Variants in CBL observed in about 807,000 individuals in gnomAD.
The protein encoded by CBL is E3 ubiquitin-protein ligase CBL.
CBL carries 45 observed loss-of-function variants against 96.9 expected under a neutral mutation model. That is an observed-to-expected ratio of 0.46 (90% CI 0.37 to 0.60). The LOEUF (loss-of-function observed/expected upper bound fraction) is 0.60, where lower values mean the gene tolerates loss of function less well. Ranked by LOEUF, CBL falls within the 20% of genes least tolerant of loss-of-function variation. The pLI is 0.00. For synonymous variants in CBL, 420 were observed against 426.8 expected (o/e 0.98, Z 0.20); for missense variants, 1,024 against 1,143.5 (o/e 0.90, Z 1.51).
intron 12 of CBL, chr11:119,289,732 T>A (rs1236555689): frequency 6.6e-6 from 1 of 152,144 alleles, no homozygotes; most frequent in Non-Finnish European, 1.5e-5. Context: ...ACTCTTGACT[T>A]ACTAGAGTTT....
intron 2 of CBL, among the ~76,000 whole-genome samples, chr11:119,269,443 G>A (rs1824763533): frequency 6.6e-6 from 1 of 151,804 alleles, no homozygotes; most frequent in African/African-American, 2.4e-5. Flanking sequence ...GACCTCAAGT[G>A]ATGCATCCGC....
At chr11:119,227,466 C>G (rs115281315) in intron 1 of CBL, among the ~76,000 whole-genome samples, 2 of 151,958 alleles carry the variant, frequency 1.3e-5, no homozygotes, top group Non-Finnish European at 2.9e-5. Context: ...GCCTCAATGT[C>G]GCATCAGAAA....
rs1441618063 is a variant in CBL at position 119,206,347 on chromosome 11, C to T, written c.-71C>T. The T allele has an allele frequency of 3.1e-6, 4 of 1,270,360 alleles. No individual in the cohort carries two copies. The highest frequency in any genetic ancestry group is 1.6e-5 in the South Asian group (1 of 62,598). 78.7% of individuals were successfully genotyped at this position (1,270,360 alleles called of 1,614,324 possible). ...GCCGGGAGAGGCCCCTCCTTCACGC[C>T]CTGCTTCTCTCCCTCGCTCGCAGTC... On this transcript the variant is annotated 5_prime_UTR_variant, in exon 1 of 16. Coordinates refer to ENST00000264033, the MANE Select transcript of CBL (RefSeq NM_005188.4).
At chr11:119,225,211 C>T (rs573080853) in intron 1 of CBL, among the ~76,000 whole-genome samples, 2 of 152,048 alleles carry the variant, frequency 1.3e-5, no homozygotes, top group African/African-American at 4.8e-5. Context: ...ATTCTCCTGT[C>T]TCAGCCTCCC....
chr11:119,270,416 T>TATATATA (rs1949835147), intron 2 of CBL, among the ~76,000 whole-genome samples: 1 of 74,364 alleles, frequency 1.3e-5, no homozygotes, highest in African/African-American at 6.2e-5. Context: ...CAGCTAATTT[T>TATATATA]TATATATATA....
chr11:119,206,517 C>T lies in CBL; in HGVS notation c.100C>T (p.Gln34Ter). The T allele has an allele frequency of 6.4e-7, 1 of 1,558,950 alleles. No homozygotes were observed. Among genetic ancestry groups the T allele is most frequent in the Non-Finnish European group, 8.7e-7 (1 of 1,152,456 alleles). ...GATTGGGCTCATGAAGGACGCCTTC[C>T]AGCCGCACCACCACCACCACCACCA... The part of the protein sequence containing the change: ...GLIGLMKDAF[Q>*]PHHHHHHHLS... Residue 34 changes from glutamine to a stop codon, truncating the protein, a stop_gained, in exon 1 of 16, where the codon CAG (glutamine) becomes TAG (stop). Coordinates refer to ENST00000264033, the MANE Select transcript of CBL (RefSeq NM_005188.4). LOFTEE classifies it high-confidence loss of function.
chr11:119,243,751 A>G (rs975662810), intron 2 of CBL, among the ~76,000 whole-genome samples: 24 of 150,662 alleles, frequency 1.6e-4, no homozygotes, highest in African/African-American at 5.4e-4. Flanking sequence ...TTCTTTTGGG[A>G]GGCAGGGTCT....
chr11:119,233,829 G>A lies in CBL; in HGVS notation c.443+1134G>A, dbSNP rs957735636. Among the ~76,000 whole-genome samples, 42 of 152,050 alleles carry A rather than the reference G, an allele frequency of 2.8e-4. 1 individual carries two copies. Among genetic ancestry groups the A allele is most frequent in the Non-Finnish European group, 4.4e-5 (3 of 68,024 alleles). On this transcript the variant is annotated intron_variant, in intron 2 of 15. Coordinates refer to ENST00000264033, the MANE Select transcript of CBL (RefSeq NM_005188.4). Reference sequence around the variant, plus strand: ...GACTCTAGCAGTAACATACTAAATGGTGTCCTTGTTGTCTACCTTTCCTTT... The same window carrying A: ...GACTCTAGCAGTAACATACTAAATGATGTCCTTGTTGTCTACCTTTCCTTT...
intron 13 of CBL, 108 bp from the exon 14 acceptor site, chr11:119,297,276 T>G: frequency 1.1e-6 from 1 of 945,782 alleles, no homozygotes; most frequent in East Asian, 2.4e-5. Context: ...AAGAGTCAAC[T>G]TTAACATTTA....
At chr11:119,235,374 A>G (rs765102636) in intron 2 of CBL, among the ~76,000 whole-genome samples, 57 of 152,062 alleles carry the variant, frequency 3.7e-4, no homozygotes, top group Non-Finnish European at 7.2e-4. Context: ...CTTGGCCTCT[A>G]TTTTATATGT....
chr11:119,293,007 C>T lies in CBL; in HGVS notation c.2037-3911C>T, dbSNP rs191463441. Among the ~76,000 whole-genome samples the T allele has an allele frequency of 2.7e-4, 41 of 152,240 alleles. 1 individual carries two copies. The highest frequency in any genetic ancestry group is 2.4e-3 in the Admixed American group (36 of 15,300). ...GTATTTGATGTTTATTACTTTTGCACCATTGTAAAGTTGAAAAATTGTAAG... is the reference window on the plus strand; with the variant it reads ...GTATTTGATGTTTATTACTTTTGCATCATTGTAAAGTTGAAAAATTGTAAG... On this transcript the variant is annotated intron_variant, in intron 12 of 15. Transcript: ENST00000264033.
chr11:119,207,975 A>C (rs537629154), intron 1 of CBL, among the ~76,000 whole-genome samples: 3 of 152,346 alleles, frequency 2.0e-5, no homozygotes, highest in Non-Finnish European at 4.4e-5. Flanking sequence ...CCAGTAGTGC[A>C]TGCCAGTGGT....
At chr11:119,295,139 C>T (rs1950055347) in intron 12 of CBL, among the ~76,000 whole-genome samples, 1 of 152,164 alleles carries the variant, frequency 6.6e-6, no homozygotes, top group Non-Finnish European at 1.5e-5. Flanking sequence ...CACTTGGGGA[C>T]ACAGTTGTGT....
chr11:119,232,360 C>A, intron 1 of CBL, 88 bp from the exon 2 acceptor site: 1 of 1,408,606 alleles, frequency 7.1e-7, no homozygotes, highest in Non-Finnish European at 9.9e-7. Context: ...TGCAAAAGAG[C>A]ACATATTTCA....
In CBL at chr11:119,306,200, C is replaced by T. The variant is rs1950139336; in HGVS notation, c.*6419C>T. On this transcript the variant is annotated 3_prime_UTR_variant, in exon 16 of 16. Coordinates refer to ENST00000264033, the MANE Select transcript of CBL (RefSeq NM_005188.4). Reference sequence around the variant, plus strand: ...GGTGGAAGGGCCGGCTGTTGACAGACAGACTAAGCTGTGTGGTGCTCTTGC... The same window carrying T: ...GGTGGAAGGGCCGGCTGTTGACAGATAGACTAAGCTGTGTGGTGCTCTTGC... The T allele has an allele frequency of 2.5e-6, 1 of 398,516 alleles. No individual in the cohort carries two copies. Among genetic ancestry groups the T allele is most frequent in the East Asian group, 3.6e-5 (1 of 28,086 alleles). The allele number at this position is 398,516 out of a possible 1,614,324, so 24.7% of individuals were successfully genotyped here.
intron 1 of CBL, among the ~76,000 whole-genome samples, chr11:119,212,294 T>C (rs1949324435): frequency 6.6e-6 from 1 of 152,176 alleles, no homozygotes; most frequent in Admixed American, 6.5e-5. Context: ...TTTAAAATCA[T>C]GAGCTTAAAA....
At chr11:119,251,876 G>A (rs1020027768) in intron 2 of CBL, among the ~76,000 whole-genome samples, 11 of 152,248 alleles carry the variant, frequency 7.2e-5, no homozygotes, top group East Asian at 5.8e-4. Context: ...TACTTGTGAA[G>A]TCTACAACTG....
Position 119,303,723 on chromosome 11 carries a change from G to A in CBL, c.*3942G>A, listed in dbSNP as rs1950116347. The A allele has an allele frequency of 8.6e-6, 2 of 233,608 alleles. No individual in the cohort carries two copies. Among genetic ancestry groups the A allele is most frequent in the African/African-American group, 4.4e-5 (2 of 45,348 alleles). The allele number at this position is 233,608 out of a possible 1,614,324, so 14.5% of individuals were successfully genotyped here. A position where few individuals can be genotyped will look rare whatever the true frequency, so the allele number is the denominator to read the frequency against. ...GTTGGAATTTGTTCCAACATAATTA[G>A]AATCTGTTTGGTGAGTTGAAAGGTA... is the stretch of plus-strand genomic sequence containing the variant. On this transcript the variant is annotated 3_prime_UTR_variant, in exon 16 of 16. Coordinates refer to ENST00000264033, the MANE Select transcript of CBL (RefSeq NM_005188.4).
At chr11:119,282,099 A>T (rs1268476472) in intron 9 of CBL, among the ~76,000 whole-genome samples, 1 of 151,536 alleles carries the variant, frequency 6.6e-6, no homozygotes, top group African/African-American at 2.4e-5. Flanking sequence ...GCACTTTGGG[A>T]GGCCGAAGCG....
Sources: gnomAD v4.1 joint callset for allele counts (sites outside exome capture counted in the v4.1 genomes callset) on GRCh38, gnomAD v4.1.1 for gene constraint, MANE v1.5 for transcripts, NCBI Gene and HGNC (gene_info 2026-07-23, HGNC 2026-07-21) for gene names.